Variants in DDHD2 observed in about 807,000 individuals in gnomAD.
The protein encoded by DDHD2 is DDHD domain containing 2.
DDHD2 carries 62 observed loss-of-function variants against 91.2 expected under a neutral mutation model. The observed-to-expected ratio is 0.68, with a 90% CI of 0.55 to 0.84. The LOEUF is 0.84. Among genes scored for constraint, DDHD2 ranks in the 40% least tolerant of loss-of-function variants. The pLI, the probability that DDHD2 is intolerant of heterozygous loss-of-function variation, is 0.00. For synonymous variants in DDHD2, 271 were observed against 293.9 expected (o/e 0.92, Z 0.80); for missense variants, 740 against 846.9 (o/e 0.87, Z 1.57).
intron 3 of DDHD2, among the ~76,000 whole-genome samples, chr8:38,235,626 C>G (rs1382891711): frequency 6.7e-6 from 1 of 149,254 alleles, no homozygotes; most frequent in Non-Finnish European, 1.5e-5. Context: ...GAGGCTGAGG[C>G]AAGAGAATTG....
At chr8:38,264,528 A>G (rs1446135485), downstream of DDHD2, 5 of 1,567,542 alleles carry the variant, frequency 3.2e-6, no homozygotes, top group Middle Eastern at 1.7e-4. Context: ...GGCATTCTGC[A>G]TCAGTCAGAG....
chr8:38,257,200 T>C (rs899837417), intron 16 of DDHD2, among the ~76,000 whole-genome samples: 1 of 149,016 alleles, frequency 6.7e-6, no homozygotes, highest in Non-Finnish European at 1.5e-5. Flanking sequence ...CCCAAAGTGC[T>C]GGGATTACAG....
At chr8:38,264,449 T>C (rs1290360875), downstream of DDHD2, 10 of 1,547,050 alleles carry the variant, frequency 6.5e-6, no homozygotes, top group Non-Finnish European at 8.7e-6. Flanking sequence ...AATTTTTAAA[T>C]ATCAAAACAA....
intron 6 of DDHD2, 110 bp downstream of exon 6, chr8:38,240,474 A>C (rs1278781442): frequency 1.4e-6 from 1 of 732,460 alleles, no homozygotes; most frequent in African/African-American, 1.7e-5. Flanking sequence ...TGGAGAGTTA[A>C]AGACAGGTGG....
chr8:38,248,994 G>A (rs950411471), intron 10 of DDHD2, among the ~76,000 whole-genome samples: 7 of 150,900 alleles, frequency 4.6e-5, no homozygotes, highest in Non-Finnish European at 1.0e-4. Context: ...TTGATTGTTA[G>A]TCTGTTCCAT....
downstream of DDHD2, chr8:38,263,329 C>A (rs755391820): frequency 7.9e-5 from 75 of 954,192 alleles, no homozygotes; most frequent in Non-Finnish European, 9.4e-5. Context: ...AAAGATTCAT[C>A]TGTCCTTCAG....
chr8:38,265,203 T>C (rs1585797752), downstream of DDHD2: 8 of 394,912 alleles, frequency 2.0e-5, no homozygotes, highest in East Asian at 3.4e-4. Flanking sequence ...GAGGTGGAGG[T>C]TGCAGTGAGC....
At chr8:38,243,310 G>A (rs1444431214) in intron 7 of DDHD2, among the ~76,000 whole-genome samples, 2 of 152,244 alleles carry the variant, frequency 1.3e-5, no homozygotes, top group South Asian at 2.1e-4. Flanking sequence ...TTGGCACCTG[G>A]CACTCACACC....
At chr8:38,269,426 G>A (rs1319922220) in intron 1 of DDHD2, among the ~76,000 whole-genome samples, 1 of 152,226 alleles carries the variant, frequency 6.6e-6, no homozygotes. Flanking sequence ...AGTTCCAGCC[G>A]AGTAGGTCGG....
chr8:38,242,505 C>T (rs917754969), intron 7 of DDHD2, 120 bp downstream of exon 7: 8 of 1,038,806 alleles, frequency 7.7e-6, no homozygotes, highest in Non-Finnish European at 1.1e-5. Context: ...TAGAGATATG[C>T]TATTAAATGC....
At chr8:38,245,546 G>C (rs1805563818) in intron 7 of DDHD2, among the ~76,000 whole-genome samples, 196 bp from the exon 8 acceptor site, 1 of 152,036 alleles carries the variant, frequency 6.6e-6, no homozygotes, top group Non-Finnish European at 1.5e-5. Context: ...GGTTTGACTT[G>C]AGGGTTTTTT....
chr8:38,239,512 CCT>C (rs1805074647), intron 5 of DDHD2, among the ~76,000 whole-genome samples: 1 of 150,536 alleles, frequency 6.6e-6, no homozygotes. Flanking sequence ...GGTGAAACAC[CCT>C]GTCTCTACTA....
chr8:38,266,784 C>T (rs1158943601), downstream of DDHD2, among the ~76,000 whole-genome samples: 2 of 152,138 alleles, frequency 1.3e-5, no homozygotes, highest in African/African-American at 2.4e-5. Flanking sequence ...AAATGAAGGA[C>T]TTAGTGCCCC....
rs1177282499 is a variant in DDHD2, at chr8:38,261,264, C to T, written c.*691C>T. 6.6e-6 allele frequency: 1 copy of T among 152,184 alleles called. No individual in the cohort carries two copies. The highest frequency in any genetic ancestry group is 1.5e-5 in the Non-Finnish European group (1 of 68,032). The allele number at this position is 152,184 out of a possible 1,614,324, so 9.4% of individuals were successfully genotyped here. Reference sequence around the variant, plus strand: ...AGCTGCTGTAAGAGTCTAAAGTTGACAAGTTAGTTCATGTTAGGTGCATCT... The same window carrying T: ...AGCTGCTGTAAGAGTCTAAAGTTGATAAGTTAGTTCATGTTAGGTGCATCT... On this transcript the variant is annotated 3_prime_UTR_variant, in exon 18 of 18. Transcript: ENST00000397166.
intron 11 of DDHD2, chr8:38,251,335 GCCTGGC>G (rs1196379544): frequency 6.6e-6 from 1 of 152,544 alleles, no homozygotes; most frequent in Non-Finnish European, 1.5e-5. Context: ...GAGCCACCAT[GCCTGGC>G]CAGTAGTTAG....
intron 16 of DDHD2, among the ~76,000 whole-genome samples, chr8:38,254,603 A>G (rs767409241): frequency 9.2e-5 from 14 of 152,204 alleles, no homozygotes; most frequent in Non-Finnish European, 1.5e-4. Flanking sequence ...ACTTCAAGCA[A>G]TCAATCCGCC....
downstream of DDHD2, chr8:38,263,200 C>G (rs545884420): frequency 6.1e-5 from 10 of 163,168 alleles, no homozygotes; most frequent in African/African-American, 2.4e-4. Context: ...ACATAAAAGA[C>G]AATGTCATAT....
At chr8:38,257,954 C>G (rs886919997) in intron 16 of DDHD2, among the ~76,000 whole-genome samples, 1 of 152,108 alleles carries the variant, frequency 6.6e-6, no homozygotes, top group Non-Finnish European at 1.5e-5. Context: ...AGCCACTGCA[C>G]CCAGCCAACA....
chr8:38,236,234 A>G (rs1013763214), intron 3 of DDHD2, among the ~76,000 whole-genome samples: 4 of 150,522 alleles, frequency 2.7e-5, no homozygotes, highest in Non-Finnish European at 4.4e-5. Flanking sequence ...GGATGGTCTC[A>G]AGCTCCTGAC....
Sources: allele counts gnomAD v4.1 joint callset (sites outside exome capture counted in the v4.1 genomes callset), GRCh38; gene constraint gnomAD v4.1.1; transcripts MANE v1.5; gene names NCBI Gene and HGNC (gene_info 2026-07-23, HGNC 2026-07-21).